Variants in LRRFIP2 observed in about 807,000 individuals in gnomAD.
LRRFIP2 encodes leucine-rich repeat flightless-interacting protein 2.
LRRFIP2 carries 109 observed loss-of-function variants against 125.9 expected under a neutral mutation model. That is an observed-to-expected ratio of 0.87 (90% CI 0.74 to 1.01). The LOEUF is 1.01. LRRFIP2 is among the 50% of genes least tolerant of loss of function. The pLI is 0.00. For missense variants in LRRFIP2, 850 were observed against 862.3 expected (o/e 0.99, Z 0.18); for synonymous variants, 291 against 293.1 (o/e 0.99, Z 0.07).
At chr3:37,168,885 T>G (rs1368871965) in intron 1 of LRRFIP2, among the ~76,000 whole-genome samples, 1 of 152,224 alleles carries the variant, frequency 6.6e-6, no homozygotes, top group Non-Finnish European at 1.5e-5. Flanking sequence ...TCTCAAGTGA[T>G]CCTCCTACCT....
At chr3:37,109,316 G>A (rs1288763418) in intron 11 of LRRFIP2, among the ~76,000 whole-genome samples, 1 of 152,128 alleles carries the variant, frequency 6.6e-6, no homozygotes, top group Admixed American at 6.5e-5. Flanking sequence ...TTCTAAGCAA[G>A]GGCTACCAAC....
At chr3:37,114,689 G>A (rs1422730068) in intron 7 of LRRFIP2, among the ~76,000 whole-genome samples, 1 of 152,036 alleles carries the variant, frequency 6.6e-6, no homozygotes, top group African/African-American at 2.4e-5. Context: ...GAAGGCTGAG[G>A]TGGGAGGATC....
intron 1 of LRRFIP2, among the ~76,000 whole-genome samples, chr3:37,157,557 A>AG (rs1251406631): frequency 6.6e-6 from 1 of 152,014 alleles, no homozygotes; most frequent in Non-Finnish European, 1.5e-5. Flanking sequence ...GGGAGGAGAG[A>AG]GAGGGGAAAA....
At chr3:37,119,872 G>C (rs1464802612) in intron 6 of LRRFIP2, among the ~76,000 whole-genome samples, 1 of 152,008 alleles carries the variant, frequency 6.6e-6, no homozygotes, top group Non-Finnish European at 1.5e-5. Context: ...ATGTTGGCCA[G>C]GTTGGTCTGG....
intron 25 of LRRFIP2, among the ~76,000 whole-genome samples, chr3:37,055,476 G>C (rs1327649550): frequency 2.0e-5 from 3 of 152,192 alleles, no homozygotes; most frequent in African/African-American, 7.2e-5. Flanking sequence ...TGAGGCAGGA[G>C]AATCACTTGA....
rs1283627337 is a variant in LRRFIP2 at position 37,054,005 on chromosome 3, AC to A, written c.2056-45del. 3.6e-6 allele frequency: 4 copies of A among 1,111,278 alleles called. No homozygotes were observed. The African/African-American group carries it at 4.6e-5, about 13-fold the overall frequency. 68.8% of individuals were successfully genotyped at this position (1,111,278 alleles called of 1,614,324 possible). On this transcript the variant is annotated intron_variant, in intron 27 of 27. Coordinates refer to ENST00000336686, the MANE Select transcript of LRRFIP2 (RefSeq NM_006309.4). ...CAGTCACTACATGTGGTCAGAAACA[AC>A]ATCCAGTGCTACTCTATTTTCAACT... is the stretch of plus-strand genomic sequence containing the variant.
chr3:37,078,776 C>T (rs1262987317), intron 19 of LRRFIP2, among the ~76,000 whole-genome samples: 1 of 152,112 alleles, frequency 6.6e-6, no homozygotes, highest in Non-Finnish European at 1.5e-5. Flanking sequence ...AGAAAATGTA[C>T]AAGATGAGAC....
At chr3:37,164,785 AG>A (rs1460480508) in intron 1 of LRRFIP2, among the ~76,000 whole-genome samples, 1 of 152,102 alleles carries the variant, frequency 6.6e-6, no homozygotes, top group East Asian at 1.9e-4. Context: ...ACAAATTCTA[AG>A]GTGGTTCCCC....
chr3:37,103,633 C>T (rs917238953), intron 14 of LRRFIP2, among the ~76,000 whole-genome samples: 3 of 152,138 alleles, frequency 2.0e-5, no homozygotes, highest in Non-Finnish European at 2.9e-5. Context: ...AAGCAACTGG[C>T]TCCTCACATT....
intron 19 of LRRFIP2, among the ~76,000 whole-genome samples, chr3:37,080,703 G>A (rs1228130836): frequency 1.3e-5 from 2 of 151,956 alleles, no homozygotes; most frequent in Non-Finnish European, 2.9e-5. Context: ...GGACGAAAAC[G>A]GAAAAACTTG....
At chr3:37,141,083 A>G (rs1191186341) in intron 2 of LRRFIP2, among the ~76,000 whole-genome samples, 1 of 152,142 alleles carries the variant, frequency 6.6e-6, no homozygotes, top group Non-Finnish European at 1.5e-5. Context: ...CCCAAGAAGC[A>G]GAGGTTGCAG....
intron 1 of LRRFIP2, chr3:37,170,886 C>G (rs990219003): frequency 6.6e-6 from 1 of 152,144 alleles, no homozygotes; most frequent in Admixed American, 6.6e-5. Flanking sequence ...CCAGCGTGGG[C>G]AACATGCGGA....
Position 37,060,315 on chromosome 3 carries a change from G to GT in LRRFIP2, c.1750-1406dup, listed in dbSNP as rs1406907659. Among the ~76,000 whole-genome samples the GT allele has an allele frequency of 8.3e-5, 12 of 144,516 alleles. No individual in the cohort carries two copies. The highest frequency in any genetic ancestry group is 7.9e-4 in the East Asian group (4 of 5,074). The allele number at this position is 144,516 out of a possible 152,430, so 94.8% of individuals were successfully genotyped here. A position where few individuals can be genotyped will look rare whatever the true frequency, so the allele number is the denominator to read the frequency against. On this transcript the variant is annotated intron_variant, in intron 24 of 27. Coordinates refer to ENST00000336686, the MANE Select transcript of LRRFIP2 (RefSeq NM_006309.4). The surrounding 1 kb of genome is among the most constrained non-coding windows in gnomAD (Gnocchi z 4.1). ...TTTTTGTTTTGTTTTGTTTTGTTTT[G>GT]TTTGTTTGTTTGAGACAGGGTCTCG... is the stretch of plus-strand genomic sequence containing the variant.
At chr3:37,144,881 G>T (rs1375509707) in intron 2 of LRRFIP2, among the ~76,000 whole-genome samples, 2 of 152,090 alleles carry the variant, frequency 1.3e-5, no homozygotes, top group Non-Finnish European at 2.9e-5. Flanking sequence ...CAAGAAATTT[G>T]AAATACAAAA....
intron 4 of LRRFIP2, among the ~76,000 whole-genome samples, chr3:37,125,160 T>G (rs1171369795): frequency 6.6e-6 from 1 of 152,232 alleles, no homozygotes; most frequent in African/African-American, 2.4e-5. Context: ...ATGGTTCTAT[T>G]AAAAGAAAAC....
chr3:37,054,626 A>G (rs2086279720), intron 26 of LRRFIP2, 111 bp from the exon 27 acceptor site: 1 of 723,308 alleles, frequency 1.4e-6, no homozygotes, highest in South Asian at 1.7e-5. Context: ...TCTACTAACA[A>G]GTCCCCTAAG....
chr3:37,065,490 G>T lies in LRRFIP2; in HGVS notation c.1699+320C>A, dbSNP rs111531626. On this transcript the variant is annotated intron_variant, in intron 23 of 27. Transcript: ENST00000336686. The stretch of plus-strand genomic sequence containing the variant: ...TTGAGAAGTCTCCTGCTAGCCTACT[G>T]CTCCCCTAGCACAGGTATACTAGAC... The T allele has an allele frequency of 3.3e-5, 16 of 484,212 alleles. No individual in the cohort carries two copies. The Middle Eastern group carries it at 1.6e-3, about 49-fold the overall frequency. 30.0% of individuals were successfully genotyped at this position (484,212 alleles called of 1,614,324 possible). A position where few individuals can be genotyped will look rare whatever the true frequency, so the allele number is the denominator to read the frequency against.
chr3:37,094,878 T>C lies in LRRFIP2; in HGVS notation c.949A>G (p.Thr317Ala), dbSNP rs749506333. 11 of 1,613,488 alleles carry C rather than the reference T, an allele frequency of 6.8e-6. No homozygotes were observed. The highest frequency in any genetic ancestry group is 9.3e-6 in the Non-Finnish European group (11 of 1,179,666). The change falls in exon 17 of 28, where the codon ACC (threonine) becomes GCC (alanine). Residue 317 changes from threonine (T) to alanine (A), a missense_variant. By Grantham distance (58) the Thr-to-Ala change is moderately conservative. Transcript: ENST00000336686. ...PSSRNSASAT[T>A]PLSGNSSRRG... ...CTGGATGAGTTTCCACTTAGAGGGG[T>C]TGTTGCTGAGGCAGAATTTCGAGAT...
chr3:37,066,175 A>G, intron 22 of LRRFIP2, 49 bp downstream of exon 22: 1 of 1,480,246 alleles, frequency 6.8e-7, no homozygotes, highest in Non-Finnish European at 9.5e-7. Context: ...GAAGGAAGAT[A>G]GAGAGTAAAA....
Sources: gnomAD v4.1 joint callset for allele counts (sites outside exome capture counted in the v4.1 genomes callset) on GRCh38, gnomAD v4.1.1 for gene constraint, Gnocchi (gnomAD v3.1) non-coding constraint, MANE v1.5 for transcripts, NCBI Gene and HGNC (gene_info 2026-07-23, HGNC 2026-07-21) for gene names.